Variants in CACNA2D1 observed in about 807,000 individuals in gnomAD.
The protein encoded by CACNA2D1 is voltage-dependent calcium channel subunit alpha-2/delta-1.
Under a neutral mutation model 171.5 loss-of-function variants are expected in CACNA2D1, and 53 were observed. That is an observed-to-expected ratio of 0.31 (90% CI 0.25 to 0.39). The LOEUF is 0.39. Among genes scored for constraint, CACNA2D1 ranks in the 10% least tolerant of loss-of-function variants. The pLI is 1.00. For synonymous variants in CACNA2D1, 442 were observed against 443.1 expected, an observed-to-expected ratio of 1.00 and a Z score of 0.03; for missense variants, 903 against 1,299.8, an observed-to-expected ratio of 0.69 and a Z score of 4.69.
Position 82,335,159 on chromosome 7 carries a change from C to T in CACNA2D1, c.270G>A (p.Leu90=). 6.2e-7 allele frequency: 1 copy of T among 1,610,034 alleles called. No homozygotes were observed. The highest frequency in any genetic ancestry group is 1.3e-5 in the African/African-American group (1 of 74,846). ...CCACCAGGGCTTTAGATCTGTTGCT[C>T]AGAAGTTTCTCAATATCCCTGGCTG... ...EIAARDIEKL[L]SNRSKALVRL... Residue 90 remains leucine (L), a synonymous_variant, in exon 3 of 39, where the codon CTG becomes CTA. Coordinates refer to ENST00000356860, the MANE Select transcript of CACNA2D1 (RefSeq NM_000722.4).
At chr7:82,044,641 TACAAAC>T (rs1209664392) in intron 10 of CACNA2D1, among the ~76,000 whole-genome samples, 1 of 152,154 alleles carries the variant, frequency 6.6e-6, no homozygotes, top group Non-Finnish European at 1.5e-5. Context: ...TATTAGTAAG[TACAAAC>T]ACAAATTATG....
intron 1 of CACNA2D1, among the ~76,000 whole-genome samples, chr7:82,440,151 C>A (rs927201272): frequency 1.2e-4 from 18 of 151,858 alleles, no homozygotes; most frequent in Non-Finnish European, 1.5e-5. Flanking sequence ...TATATTTATA[C>A]CATTGTACAC....
intron 6 of CACNA2D1, among the ~76,000 whole-genome samples, chr7:82,092,540 CTTTTTT>C (rs71093360): frequency 1.9e-5 from 2 of 102,702 alleles, no homozygotes; most frequent in African/African-American, 9.0e-5. Flanking sequence ...GCCCAGCTAA[CTTTTTT>C]TTTTTTTTTT....
At chr7:82,204,696 A>G (rs1039139197) in intron 3 of CACNA2D1, among the ~76,000 whole-genome samples, 4 of 152,268 alleles carry the variant, frequency 2.6e-5, no homozygotes, top group African/African-American at 7.2e-5. Flanking sequence ...CTATGTGCCC[A>G]GAGCCTATGC....
chr7:82,417,612 T>G (rs1171714866), intron 1 of CACNA2D1, among the ~76,000 whole-genome samples: 1 of 152,176 alleles, frequency 6.6e-6, no homozygotes, highest in Non-Finnish European at 1.5e-5. Context: ...ATATCTGCAT[T>G]AAAGTAAAAC....
intron 3 of CACNA2D1, among the ~76,000 whole-genome samples, chr7:82,294,496 A>G (rs1002191899): frequency 2.0e-5 from 3 of 152,100 alleles, no homozygotes; most frequent in African/African-American, 4.8e-5. Flanking sequence ...GACTTTTTGT[A>G]CTCTGAGATG....
intron 1 of CACNA2D1, among the ~76,000 whole-genome samples, chr7:82,369,337 T>G (rs1822106091): frequency 6.6e-6 from 1 of 151,656 alleles, no homozygotes; most frequent in Non-Finnish European, 1.5e-5. Flanking sequence ...CTTTACATTT[T>G]ACACTGCCAC....
At chr7:82,397,169 T>C (rs1023103629) in intron 1 of CACNA2D1, among the ~76,000 whole-genome samples, 5 of 152,142 alleles carry the variant, frequency 3.3e-5, no homozygotes, top group Non-Finnish European at 5.9e-5. Flanking sequence ...CCCAAAAGGA[T>C]TCTGGCTTTT....
At chr7:82,062,431 T>A (rs1807046499) in intron 9 of CACNA2D1, among the ~76,000 whole-genome samples, 1 of 152,172 alleles carries the variant, frequency 6.6e-6, no homozygotes, top group Non-Finnish European at 1.5e-5. Context: ...CCCAATTTTA[T>A]CTCCTTAATG....
At chr7:82,334,476 C>T (rs1193848608) in intron 3 of CACNA2D1, among the ~76,000 whole-genome samples, 1 of 152,032 alleles carries the variant, frequency 6.6e-6, no homozygotes, top group East Asian at 1.9e-4. Flanking sequence ...GAGATACATC[C>T]TCATAAAATA....
chr7:82,431,778 G>A (rs911967349), intron 1 of CACNA2D1, among the ~76,000 whole-genome samples: 3 of 117,684 alleles, frequency 2.5e-5, no homozygotes, highest in Non-Finnish European at 5.1e-5. Flanking sequence ...AGTGGCTCAC[G>A]CCTGTAACCC....
At chr7:82,136,554 G>C (rs2129078174) in intron 5 of CACNA2D1, 81 bp downstream of exon 5, 4 of 1,040,326 alleles carry the variant, frequency 3.8e-6, no homozygotes, top group South Asian at 1.6e-5. Flanking sequence ...AACTAAAACT[G>C]CTAGCTCAAT....
chr7:82,353,535 G>A (rs1820083516), intron 1 of CACNA2D1, among the ~76,000 whole-genome samples: 1 of 152,052 alleles, frequency 6.6e-6, no homozygotes, highest in Non-Finnish European at 1.5e-5. Flanking sequence ...TCCCAAAGGA[G>A]AGTGTACAGC....
At chr7:82,124,127 G>T (rs1417398992) in intron 5 of CACNA2D1, among the ~76,000 whole-genome samples, 2 of 152,032 alleles carry the variant, frequency 1.3e-5, no homozygotes, top group Non-Finnish European at 2.9e-5. Context: ...ATCAAAAATT[G>T]AAATAAAGAT....
intron 1 of CACNA2D1, among the ~76,000 whole-genome samples, chr7:82,423,512 T>C (rs993707901): frequency 6.6e-6 from 1 of 152,176 alleles, no homozygotes; most frequent in African/African-American, 2.4e-5. Context: ...ATAGTAAATG[T>C]TCTAAAGAGA....
chr7:82,170,726 T>G (rs184164175), intron 3 of CACNA2D1, 117 bp from the exon 4 acceptor site: 95 of 872,796 alleles, frequency 1.1e-4, no homozygotes, highest in East Asian at 9.9e-4. Flanking sequence ...AGATGATCCT[T>G]ATTTATGATT....
At chr7:82,274,056 T>C (rs1284359643) in intron 3 of CACNA2D1, among the ~76,000 whole-genome samples, 1 of 152,134 alleles carries the variant, frequency 6.6e-6, no homozygotes, top group Non-Finnish European at 1.5e-5. Context: ...TCTCCTTATA[T>C]ACTCTCGCAC....
chr7:82,299,465 A>C (rs1471969017), intron 3 of CACNA2D1, among the ~76,000 whole-genome samples: 1 of 152,074 alleles, frequency 6.6e-6, no homozygotes. Flanking sequence ...GTTCGAGACC[A>C]GCCTGGCCAA....
chr7:82,402,725 AAAAAAAAG>A (rs1398831986), intron 1 of CACNA2D1, among the ~76,000 whole-genome samples: 3 of 150,776 alleles, frequency 2.0e-5, no homozygotes, highest in Non-Finnish European at 4.4e-5. Context: ...AAAAAAAAAA[AAAAAAAAG>A]AAGAAGAAGT....
Sources: allele counts gnomAD v4.1 joint callset (sites outside exome capture counted in the v4.1 genomes callset), GRCh38; gene constraint gnomAD v4.1.1; transcripts MANE v1.5; gene names NCBI Gene and HGNC (gene_info 2026-07-23, HGNC 2026-07-21).